ERC1: variants seen among roughly 807,000 people sequenced by gnomAD.
The protein encoded by ERC1 is ELKS/RAB6-interacting/CAST family member 1, also known as RAB6 interacting protein 2.
A neutral mutation model predicts 132.0 loss-of-function variants in ERC1; 56 were observed. The ratio of observed to expected loss-of-function variants is 0.42; its 90% CI spans 0.34 to 0.53. The LOEUF is 0.53. ERC1 is among the 20% of genes least tolerant of loss of function. The pLI is 0.03. For synonymous variants in ERC1, 478 were observed against 476.1 expected (o/e 1.00, Z -0.05); for missense variants, 1,202 against 1,349.9 (o/e 0.89, Z 1.72).
chr12:1,017,312 T>G (rs528324098), intron 1 of ERC1, among the ~76,000 whole-genome samples: 2 of 151,944 alleles, frequency 1.3e-5, no homozygotes, highest in African/African-American at 4.8e-5. Flanking sequence ...ATTCTTTGTG[T>G]TTTTTTCTGA....
At chr12:1,371,731 T>C (rs1425002648) in intron 15 of ERC1, 102 bp from the exon 16 acceptor site, 76 of 1,415,236 alleles carry the variant, frequency 5.4e-5, no homozygotes, top group Non-Finnish European at 5.9e-5. Context: ...GCGTTTGCTT[T>C]CTTGGTTTTA....
intron 17 of ERC1, among the ~76,000 whole-genome samples, chr12:1,411,937 C>T (rs2091876683): frequency 6.6e-6 from 1 of 152,170 alleles, no homozygotes; most frequent in Non-Finnish European, 1.5e-5. Flanking sequence ...TTCCTGAAAT[C>T]TTCATTTTCC....
intron 7 of ERC1, 159 bp downstream of exon 7, chr12:1,116,192 T>A (rs1463598328): frequency 1.7e-6 from 1 of 579,098 alleles, no homozygotes. Context: ...AATGTAACCA[T>A]CTTATTTCAG....
chr12:1,370,308 A>G (rs1591583508), intron 15 of ERC1, among the ~76,000 whole-genome samples: 1 of 152,244 alleles, frequency 6.6e-6, no homozygotes, highest in Non-Finnish European at 1.5e-5. Context: ...ATTATTAGCT[A>G]AACCACAAGG....
chr12:1,464,556 G>A (rs970583024), intron 18 of ERC1, among the ~76,000 whole-genome samples: 4 of 111,892 alleles, frequency 3.6e-5, no homozygotes, highest in South Asian at 2.9e-4. Context: ...GTTTCGCTCC[G>A]TTGCCCAGGC....
At chr12:1,440,470 T>C (rs143902082) in intron 17 of ERC1, among the ~76,000 whole-genome samples, 19,077 of 145,074 alleles carry the variant, frequency 0.13, 1,757 homozygotes, top group African/African-American at 0.23. Flanking sequence ...CCTCCCAAAG[T>C]GCTGCGATTA....
chr12:1,379,123 A>G (rs1391374805), intron 16 of ERC1, among the ~76,000 whole-genome samples: 2 of 152,232 alleles, frequency 1.3e-5, no homozygotes, highest in Non-Finnish European at 1.5e-5. Flanking sequence ...CCATAAATAC[A>G]TAAAAGGACC....
At chr12:1,013,764 CT>C (rs2154140577) in intron 1 of ERC1, among the ~76,000 whole-genome samples, 1 of 152,220 alleles carries the variant, frequency 6.6e-6, no homozygotes, top group Non-Finnish European at 1.5e-5. Context: ...GTCTGTCTTC[CT>C]TTGTCACCCA....
At chr12:1,120,877 G>A (rs1399931688) in intron 7 of ERC1, among the ~76,000 whole-genome samples, 1 of 152,042 alleles carries the variant, frequency 6.6e-6, no homozygotes, top group East Asian at 1.9e-4. Context: ...AGGATGTTTT[G>A]GCACTAGGCA....
rs2094334903 is a variant in ERC1, at chr12:1,493,539, AAAAAAAAAAATATATATATAT to A, written c.*3311_*3331del. On this transcript the variant is annotated 3_prime_UTR_variant, in exon 19 of 19. Transcript: ENST00000360905. ...GTGACAGAGACTCCATTTAAAAAAA[AAAAAAAAAAATATATATATAT>A]ATATATATATATATATATGGATGGG... 1 of 85,784 alleles carries A rather than the reference AAAAAAAAAAATATATATATAT, an allele frequency of 1.2e-5. No homozygotes were observed. Among genetic ancestry groups the A allele is most frequent in the Admixed American group, 1.3e-4 (1 of 7,484 alleles). 5.3% of individuals were successfully genotyped at this position (85,784 alleles called of 1,614,324 possible).
At chr12:1,083,621 C>G (rs1565933273) in intron 3 of ERC1, 41 bp downstream of exon 3, 1 of 1,473,882 alleles carries the variant, frequency 6.8e-7, no homozygotes, top group Admixed American at 2.2e-5. Flanking sequence ...TGTTGGTTAT[C>G]TTTTTTTTCA....
In ERC1 at chr12:1,237,263, G is replaced by C. The variant is rs144789447; in HGVS notation, c.2487+359G>C. 4.2e-3 allele frequency among the ~76,000 whole-genome samples: 646 copies of C among 152,138 alleles called. 5 individuals carry two copies. The highest frequency in any genetic ancestry group is 0.014 in the African/African-American group (592 of 41,514). ...TAAAATGGATTGCTAATCTTGGTTT[G>C]TGTCTTTCTTCCTTTTTTCTATTCT... On this transcript the variant is annotated intron_variant, in intron 13 of 18. Coordinates refer to ENST00000360905, the MANE Select transcript of ERC1 (RefSeq NM_178040.4).
At position 1,008,977 on chromosome 12, in the gene ERC1, G is replaced by T. The variant is rs546702444; in HGVS notation, c.-157+17655G>T. Among the ~76,000 whole-genome samples the T allele has an allele frequency of 7.8e-4, 118 of 152,200 alleles. 1 individual carries two copies. The highest frequency in any genetic ancestry group is 6.2e-3 in the South Asian group (30 of 4,818). On this transcript the variant is annotated intron_variant, in intron 1 of 18. Coordinates refer to ENST00000360905, the MANE Select transcript of ERC1 (RefSeq NM_178040.4). ...TGCTCACTGGATGGTTGGAAATTCA[G>T]GTCTGGAGTTTAGGAAAGAGGTAGC...
At chr12:1,407,869 A>T (rs911076965) in intron 16 of ERC1, among the ~76,000 whole-genome samples, 1 of 151,796 alleles carries the variant, frequency 6.6e-6, no homozygotes, top group African/African-American at 2.4e-5. Context: ...CCCCACCCTT[A>T]TGACTTCATT....
intron 2 of ERC1, among the ~76,000 whole-genome samples, chr12:1,066,827 ACT>A (rs1939289442): frequency 9.3e-6 from 1 of 106,988 alleles, no homozygotes; most frequent in South Asian, 3.6e-4. Flanking sequence ...ACAGAGCGAG[ACT>A]CTGTCTCAAA....
intron 15 of ERC1, among the ~76,000 whole-genome samples, chr12:1,354,001 A>G (rs2085283864): frequency 6.9e-6 from 1 of 145,606 alleles, no homozygotes; most frequent in Non-Finnish European, 1.5e-5. Flanking sequence ...CTCTAAGACC[A>G]TTCCCCCTCA....
At chr12:1,378,255 T>A (rs10773940) in intron 16 of ERC1, among the ~76,000 whole-genome samples, 2 of 151,718 alleles carry the variant, frequency 1.3e-5, no homozygotes, top group African/African-American at 2.4e-5. Context: ...CCCTGACCGC[T>A]CCCCGTTGGA....
At chr12:1,488,055 A>G (rs1030420966) in intron 18 of ERC1, among the ~76,000 whole-genome samples, 2 of 151,010 alleles carry the variant, frequency 1.3e-5, no homozygotes, top group Non-Finnish European at 3.0e-5. Context: ...GGAGAATGGC[A>G]CGAACCTGGG....
chr12:1,047,025 T>C (rs528961418), intron 2 of ERC1, among the ~76,000 whole-genome samples: 3 of 152,240 alleles, frequency 2.0e-5, no homozygotes, highest in Non-Finnish European at 4.4e-5. Context: ...CATTAATTAC[T>C]TCATGATGCA....
Sources: allele counts gnomAD v4.1 joint callset (sites outside exome capture counted in the v4.1 genomes callset), GRCh38; gene constraint gnomAD v4.1.1; transcripts MANE v1.5; gene names NCBI Gene and HGNC (gene_info 2026-07-23, HGNC 2026-07-21).